TENM3: variants seen among roughly 807,000 people sequenced by gnomAD.
TENM3 encodes teneurin-3.
TENM3 carries 63 observed loss-of-function variants against 255.1 expected under a neutral mutation model. That is an observed-to-expected ratio of 0.25 (90% CI 0.20 to 0.30). TENM3 has a LOEUF of 0.30. TENM3 is among the 10% of genes least tolerant of loss of function. The pLI, the probability that TENM3 is intolerant of heterozygous loss-of-function variation, is 1.00. For missense variants in TENM3, 2,929 were observed against 3,461.1 expected (o/e 0.85, Z 3.86); for synonymous variants, 1,306 against 1,322.3 (o/e 0.99, Z 0.27).
the TENM3 span, among the ~76,000 whole-genome samples, chr4:181,991,563 A>G: frequency 5.9e-5 from 9 of 152,210 alleles, 1 homozygote; most frequent in African/African-American, 2.2e-4. Context: ...TCCAGTGGCT[A>G]CTCACTGGCC....
chr4:182,190,191 T>G (rs776555203), intron 1 of TENM3: 1 of 152,208 alleles, frequency 6.6e-6, no homozygotes, highest in Admixed American at 6.5e-5. Flanking sequence ...GTCTTTCTTT[T>G]TTTGCCCTTA....
chr4:181,521,200 C>T, the TENM3 span, among the ~76,000 whole-genome samples: 1,610 of 152,294 alleles, frequency 0.011, 30 homozygotes, highest in African/African-American at 0.037. Context: ...CTCTTGAGCA[C>T]CTTCTACAAC....
At chr4:181,662,643 T>G in the TENM3 span, among the ~76,000 whole-genome samples, 2 of 152,186 alleles carry the variant, frequency 1.3e-5, no homozygotes, top group Non-Finnish European at 2.9e-5. Flanking sequence ...AATTTTAGTA[T>G]TATGAAGACA....
At chr4:181,507,708 C>T in the TENM3 span, among the ~76,000 whole-genome samples, 1 of 152,130 alleles carries the variant, frequency 6.6e-6, no homozygotes, top group Non-Finnish European at 1.5e-5. Flanking sequence ...TCTTGAATAG[C>T]GGTGAAACAG....
In TENM3 at chr4:182,243,452, A is replaced by C. The variant is rs183640533; in HGVS notation, c.-100A>C. ...AGATGGGTCTGGAGCTTGGAGGAGA[A>C]GTCTGAACTAAGGATAAACTAAAGG... On this transcript the variant is annotated 5_prime_UTR_variant, in exon 1 of 28. Transcript: ENST00000511685. 1 of 152,500 alleles carries C rather than the reference A, an allele frequency of 6.6e-6. No homozygotes were observed. Among genetic ancestry groups the C allele is most frequent in the Admixed American group, 6.5e-5 (1 of 15,302 alleles). 9.4% of individuals were successfully genotyped at this position (152,500 alleles called of 1,614,324 possible). A position where few individuals can be genotyped will look rare whatever the true frequency, so the allele number is the denominator to read the frequency against.
At chr4:181,955,127 C>T in the TENM3 span, among the ~76,000 whole-genome samples, 1 of 152,186 alleles carries the variant, frequency 6.6e-6, no homozygotes, top group African/African-American at 2.4e-5. Flanking sequence ...AGAAATTTAT[C>T]TCACAGGTTT....
At chr4:182,570,275 T>C (rs184459663) in intron 3 of TENM3, among the ~76,000 whole-genome samples, 1 of 152,294 alleles carries the variant, frequency 6.6e-6, no homozygotes, top group East Asian at 1.9e-4. Context: ...TGCTCCAAGT[T>C]TTCTAACTTG....
chr4:182,789,968 A>G lies in TENM3; in HGVS notation c.5601+579A>G, dbSNP rs899546274. Among the ~76,000 whole-genome samples the G allele has an allele frequency of 6.6e-6, 1 of 152,216 alleles. No homozygotes were observed. Among genetic ancestry groups the G allele is most frequent in the Non-Finnish European group, 1.5e-5 (1 of 68,040 alleles). ...AGGCTGTTTTCCATTCTTGAGAACT[A>G]TGCATAGTATCAAAAATGGAGACTT... is the stretch of plus-strand genomic sequence containing the variant. On this transcript the variant is annotated intron_variant, in intron 25 of 27. Transcript: ENST00000511685. The surrounding 1 kb of genome is among the most constrained non-coding windows in gnomAD (Gnocchi z 4.4).
chr4:181,916,538 A>C, the TENM3 span, among the ~76,000 whole-genome samples: 16 of 152,278 alleles, frequency 1.1e-4, no homozygotes, highest in South Asian at 3.3e-3. Flanking sequence ...GGTTATTGAA[A>C]GTATGACACA....
At chr4:181,880,437 G>C in the TENM3 span, among the ~76,000 whole-genome samples, 2 of 152,080 alleles carry the variant, frequency 1.3e-5, no homozygotes, top group South Asian at 4.1e-4. Flanking sequence ...ATTAAAAATT[G>C]ATACAGAAAA....
At chr4:181,527,293 C>T in the TENM3 span, among the ~76,000 whole-genome samples, 1 of 152,072 alleles carries the variant, frequency 6.6e-6, no homozygotes, top group Non-Finnish European at 1.5e-5. Flanking sequence ...TTTTGTTTTA[C>T]CTATCTGAAG....
intron 1 of TENM3, among the ~76,000 whole-genome samples, chr4:182,236,332 G>A (rs1430119073): frequency 1.3e-5 from 2 of 152,248 alleles, no homozygotes; most frequent in Admixed American, 6.5e-5. Flanking sequence ...CTGCAAATAC[G>A]CCTGCAGTTA....
chr4:181,676,425 G>C, the TENM3 span, among the ~76,000 whole-genome samples: 3 of 148,840 alleles, frequency 2.0e-5, no homozygotes, highest in Admixed American at 6.7e-5. Context: ...TTTGTTACAT[G>C]GGTAAATTGT....
the TENM3 span, among the ~76,000 whole-genome samples, chr4:182,039,978 C>T: frequency 1.3e-5 from 1 of 74,630 alleles, no homozygotes; most frequent in Non-Finnish European, 2.6e-5. Context: ...TGAGGTGAGG[C>T]GATAGGAGGG....
At chr4:181,624,772 T>C in the TENM3 span, among the ~76,000 whole-genome samples, 1 of 152,120 alleles carries the variant, frequency 6.6e-6, no homozygotes, top group Admixed American at 6.5e-5. Context: ...GCAGTTTGGG[T>C]TGGGCTTAGC....
At chr4:181,519,949 T>C in the TENM3 span, among the ~76,000 whole-genome samples, 1 of 152,182 alleles carries the variant, frequency 6.6e-6, no homozygotes, top group Admixed American at 6.5e-5. Flanking sequence ...ACATGCAAGA[T>C]TTAGAATTGC....
chr4:182,391,306 A>G (rs775499757), intron 3 of TENM3, among the ~76,000 whole-genome samples: 23 of 152,216 alleles, frequency 1.5e-4, no homozygotes, highest in Non-Finnish European at 2.5e-4. Flanking sequence ...TAACTAATTT[A>G]TCCAGAGTTG....
rs1034198434 is a variant in TENM3, at chr4:182,799,397, G to A, written c.7345-199G>A. Among the ~76,000 whole-genome samples the A allele has an allele frequency of 3.9e-5, 6 of 152,224 alleles. No homozygotes were observed. The highest frequency in any genetic ancestry group is 8.8e-5 in the Non-Finnish European group (6 of 68,036). ...TCCACGATGAGTGAGCCATTTGGGG[G>A]TTCCAGAGCATCGGGATCACCTTGA... On this transcript the variant is annotated intron_variant, in intron 27 of 27. Transcript: ENST00000511685. The surrounding 1 kb of genome is among the most constrained non-coding windows in gnomAD (Gnocchi z 4.2).
intron 3 of TENM3, among the ~76,000 whole-genome samples, chr4:182,525,783 A>G (rs1022496775): frequency 6.6e-6 from 1 of 152,234 alleles, no homozygotes; most frequent in Non-Finnish European, 1.5e-5. Context: ...GTGGAGTACC[A>G]TACTCAAAAT....
Sources: allele counts gnomAD v4.1 joint callset (sites outside exome capture counted in the v4.1 genomes callset), GRCh38; gene constraint gnomAD v4.1.1; non-coding constraint Gnocchi (gnomAD v3.1); transcripts MANE v1.5; gene names NCBI Gene and HGNC (gene_info 2026-07-23, HGNC 2026-07-21).